Variants in KCNB2 observed in about 807,000 individuals in gnomAD.
KCNB2 encodes the protein delayed rectifier potassium channel protein.
Under a neutral mutation model 61.5 loss-of-function variants are expected in KCNB2, and 15 were observed. The ratio of observed to expected loss-of-function variants is 0.24; its 90% CI spans 0.16 to 0.38. The LOEUF (loss-of-function observed/expected upper bound fraction) is 0.38. KCNB2 is among the 10% of genes least tolerant of loss of function. The pLI is 1.00. For synonymous variants in KCNB2, 457 were observed against 446.0 expected (o/e 1.02, Z -0.31); for missense variants, 828 against 1,125.2 (o/e 0.74, Z 3.78).
At chr8:72,884,289 T>C (rs1195997932) in intron 2 of KCNB2, among the ~76,000 whole-genome samples, 1 of 152,168 alleles carries the variant, frequency 6.6e-6, no homozygotes, top group Non-Finnish European at 1.5e-5. Flanking sequence ...TGTTGACTTG[T>C]AAGCATGCTT....
chr8:72,612,237 A>T (rs1805553656), intron 2 of KCNB2, among the ~76,000 whole-genome samples: 1 of 152,136 alleles, frequency 6.6e-6, no homozygotes, highest in South Asian at 2.1e-4. Flanking sequence ...AACACATATA[A>T]ATGATTTATT....
At chr8:72,752,625 A>G (rs1808211307) in intron 2 of KCNB2, among the ~76,000 whole-genome samples, 1 of 152,208 alleles carries the variant, frequency 6.6e-6, no homozygotes, top group Non-Finnish European at 1.5e-5. Context: ...GCCTTGTTCA[A>G]GGAGCTTAGA....
chr8:72,678,656 C>T (rs1353595285), intron 2 of KCNB2, among the ~76,000 whole-genome samples: 1 of 152,188 alleles, frequency 6.6e-6, no homozygotes, highest in Non-Finnish European at 1.5e-5. Flanking sequence ...ATCCTTCTTG[C>T]CTTATTTTGT....
intron 2 of KCNB2, among the ~76,000 whole-genome samples, chr8:72,708,311 CT>C (rs10714238): frequency 0.68 from 103,957 of 152,068 alleles, 36,560 homozygotes; most frequent in African/African-American, 0.84. Context: ...GGCTTAGTTT[CT>C]TTTTTTCTTT....
chr8:72,887,353 A>G (rs1040029766), intron 2 of KCNB2, among the ~76,000 whole-genome samples: 2 of 152,216 alleles, frequency 1.3e-5, no homozygotes, highest in Middle Eastern at 3.2e-3. Flanking sequence ...AATATTACCT[A>G]AAAGCACAGA....
At chr8:72,868,355 G>A (rs912897081) in intron 2 of KCNB2, among the ~76,000 whole-genome samples, 6 of 151,672 alleles carry the variant, frequency 4.0e-5, no homozygotes, top group African/African-American at 7.3e-5. Context: ...TGAGGCAGGC[G>A]GATCACGAGG....
intron 2 of KCNB2, among the ~76,000 whole-genome samples, chr8:72,722,449 T>A (rs1161727161): frequency 1.3e-5 from 2 of 152,176 alleles, no homozygotes; most frequent in Non-Finnish European, 2.9e-5. Flanking sequence ...CTGGGATATG[T>A]AGTGCTCCCC....
At chr8:72,804,994 C>T (rs542265619) in intron 2 of KCNB2, among the ~76,000 whole-genome samples, 1 of 152,254 alleles carries the variant, frequency 6.6e-6, no homozygotes, top group African/African-American at 2.4e-5. Flanking sequence ...AAAGATGAGA[C>T]ATGGCTGCGA....
chr8:72,561,380 C>A (rs1253972630), intron 1 of KCNB2, among the ~76,000 whole-genome samples: 1 of 151,686 alleles, frequency 6.6e-6, no homozygotes, highest in Non-Finnish European at 1.5e-5. Context: ...TGGTCTCGAT[C>A]TCTTGACCTC....
At chr8:72,651,032 C>G (rs939065260) in intron 2 of KCNB2, among the ~76,000 whole-genome samples, 1 of 152,054 alleles carries the variant, frequency 6.6e-6, no homozygotes, top group Non-Finnish European at 1.5e-5. Context: ...CTAGAATTAC[C>G]ATGTCGCAAG....
intron 2 of KCNB2, among the ~76,000 whole-genome samples, chr8:72,883,205 T>C (rs1805747274): frequency 6.6e-6 from 1 of 152,118 alleles, no homozygotes; most frequent in African/African-American, 2.4e-5. Context: ...TCTCAGAACA[T>C]CAGATTTTAA....
chr8:72,545,538 G>T (rs1409943151), intron 1 of KCNB2, among the ~76,000 whole-genome samples: 1 of 152,086 alleles, frequency 6.6e-6, no homozygotes. Context: ...GATGAATGTT[G>T]TGTGGGTCCC....
At chr8:72,759,120 C>T (rs772200807) in intron 2 of KCNB2, among the ~76,000 whole-genome samples, 13 of 152,074 alleles carry the variant, frequency 8.5e-5, no homozygotes, top group Non-Finnish European at 1.8e-4. Context: ...TAAGGTTGAA[C>T]TCCCTCTTGT....
At chr8:72,909,766 T>C (rs1437126514) in intron 2 of KCNB2, among the ~76,000 whole-genome samples, 1 of 152,016 alleles carries the variant, frequency 6.6e-6, no homozygotes, top group Non-Finnish European at 1.5e-5. Flanking sequence ...GGGGACTGAT[T>C]GGATGATAAG....
chr8:72,888,479 A>G (rs1805842041), intron 2 of KCNB2, among the ~76,000 whole-genome samples: 2 of 152,194 alleles, frequency 1.3e-5, no homozygotes, highest in African/African-American at 2.4e-5. Flanking sequence ...TTAAGCAGCT[A>G]TTAAAATTTT....
At chr8:72,624,744 G>A (rs117613624) in intron 2 of KCNB2, among the ~76,000 whole-genome samples, 73 of 152,302 alleles carry the variant, frequency 4.8e-4, no homozygotes, top group South Asian at 1.9e-3. Context: ...GATGGGGCCT[G>A]TGACTTCCTT....
At chr8:72,641,978 T>C (rs1806063102) in intron 2 of KCNB2, among the ~76,000 whole-genome samples, 1 of 152,160 alleles carries the variant, frequency 6.6e-6, no homozygotes, top group African/African-American at 2.4e-5. Flanking sequence ...CAACTACTTA[T>C]TAAACATGTC....
At chr8:72,831,669 G>A (rs1276756097) in intron 2 of KCNB2, among the ~76,000 whole-genome samples, 2 of 152,150 alleles carry the variant, frequency 1.3e-5, no homozygotes, top group African/African-American at 4.8e-5. Context: ...ATATGTTCAT[G>A]TCAACTTTTA....
chr8:72,621,344 C>G (rs968118568), intron 2 of KCNB2, among the ~76,000 whole-genome samples: 1 of 152,128 alleles, frequency 6.6e-6, no homozygotes, highest in Non-Finnish European at 1.5e-5. Context: ...CAGTCCAGAT[C>G]CCAGCTTCCA....
Sources: gnomAD v4.1 joint callset for allele counts (sites outside exome capture counted in the v4.1 genomes callset) on GRCh38, gnomAD v4.1.1 for gene constraint, MANE v1.5 for transcripts, NCBI Gene and HGNC (gene_info 2026-07-23, HGNC 2026-07-21) for gene names.